The following DNAH6 variants were observed in gnomAD, a reference collection of about 807,000 sequenced individuals.
DNAH6 encodes the protein dynein axonemal heavy chain 6, also known as axonemal beta dynein heavy chain 6.
Under a neutral mutation model 491.4 loss-of-function variants are expected in DNAH6, and 340 were observed. The observed-to-expected ratio is 0.69, with a 90% CI of 0.63 to 0.76. The LOEUF (loss-of-function observed/expected upper bound fraction) is 0.76. Among genes scored for constraint, DNAH6 ranks in the 30% least tolerant of loss-of-function variants. The pLI, the probability that DNAH6 is intolerant of heterozygous loss-of-function variation, is 0.00. For synonymous variants in DNAH6, 1,603 were observed against 1,686.1 expected, an observed-to-expected ratio of 0.95 and a Z score of 1.21; for missense variants, 4,443 against 4,972.2, an observed-to-expected ratio of 0.89 and a Z score of 3.20.
intron 29 of DNAH6, among the ~76,000 whole-genome samples, chr2:84,625,635 T>C (rs1687789205): frequency 6.6e-6 from 1 of 152,170 alleles, no homozygotes; most frequent in Non-Finnish European, 1.5e-5. Context: ...GTTAAAAAAA[T>C]AACAGTAAGC....
At chr2:84,685,834 AATTT>A (rs1694206482) in intron 43 of DNAH6, among the ~76,000 whole-genome samples, 1 of 152,142 alleles carries the variant, frequency 6.6e-6, no homozygotes, top group African/African-American at 2.4e-5. Flanking sequence ...TTTGTATTTT[AATTT>A]ATTATAAAGT....
chr2:84,736,839 C>A lies in DNAH6; in HGVS notation c.10342+3260C>A, dbSNP rs563647533. Among the ~76,000 whole-genome samples the A allele has an allele frequency of 5.9e-5, 9 of 152,190 alleles. No homozygotes were observed. The South Asian group carries it at 8.3e-4, about 14-fold the overall frequency. ...TAAATTTCTTTCTCCTGCCTGATTG[C>A]TTTGGCTAGGACTTCCAGTACTATA... On this transcript the variant is annotated intron_variant, in intron 62 of 76. Transcript: ENST00000389394.
intron 61 of DNAH6, among the ~76,000 whole-genome samples, chr2:84,731,238 A>G (rs774927493): frequency 6.6e-5 from 10 of 152,122 alleles, no homozygotes; most frequent in Admixed American, 2.6e-4. Context: ...CCTACTCCCC[A>G]CTGCCAGTTA....
chr2:84,576,733 C>T (rs780376541), intron 12 of DNAH6, among the ~76,000 whole-genome samples: 1 of 152,114 alleles, frequency 6.6e-6, no homozygotes, highest in Non-Finnish European at 1.5e-5. Context: ...CAAAATGCAA[C>T]TGCAGCATAT....
At chr2:84,623,361 C>T (rs1042167342) in intron 26 of DNAH6, among the ~76,000 whole-genome samples, 5 of 152,114 alleles carry the variant, frequency 3.3e-5, no homozygotes, top group South Asian at 2.1e-4. Flanking sequence ...GGACCTAGGC[C>T]GACTCTTTTG....
chr2:84,473,379 G>A, the DNAH6 span, among the ~76,000 whole-genome samples: 4 of 152,272 alleles, frequency 2.6e-5, no homozygotes, highest in Admixed American at 6.5e-5. Context: ...CGTTTTAGTC[G>A]TATTGAGAGG....
At chr2:84,562,389 G>T (rs1680771144) in intron 11 of DNAH6, among the ~76,000 whole-genome samples, 1 of 152,036 alleles carries the variant, frequency 6.6e-6, no homozygotes, top group African/African-American at 2.4e-5. Flanking sequence ...TTTCAGTTTG[G>T]CTCACAAGAC....
intron 10 of DNAH6, among the ~76,000 whole-genome samples, chr2:84,555,382 C>A (rs1474263195): frequency 6.6e-6 from 1 of 152,130 alleles, no homozygotes; most frequent in Non-Finnish European, 1.5e-5. Context: ...GAAATAGACT[C>A]CTCCTCTGGT....
Position 84,701,243 on chromosome 2 carries a change from G to A in DNAH6, c.7965G>A (p.Glu2655=). Residue 2655 remains glutamate, a synonymous_variant, in exon 49 of 77, where the codon GAG becomes GAA. Coordinates refer to ENST00000389394, the MANE Select transcript of DNAH6 (RefSeq NM_001370.2). ...GCATGGCAGAGCGCTATTACAATGA[G>A]CTGCGCAGGCGGTACTACACGACAC... The part of the protein sequence containing the change: ...VSSMAERYYN[E]LRRRYYTTPT... 1 of 1,551,824 alleles carries A rather than the reference G, an allele frequency of 6.4e-7. No individual in the cohort carries two copies. Among genetic ancestry groups the A allele is most frequent in the Non-Finnish European group, 8.7e-7 (1 of 1,147,014 alleles).
chr2:84,605,881 C>T (rs989634340), intron 20 of DNAH6, among the ~76,000 whole-genome samples: 2 of 152,058 alleles, frequency 1.3e-5, no homozygotes, highest in African/African-American at 2.4e-5. Context: ...GTGATCAGAG[C>T]ATTTTCCCTA....
At chr2:84,810,752 A>G (rs200258236) in intron 72 of DNAH6, among the ~76,000 whole-genome samples, 1 of 152,216 alleles carries the variant, frequency 6.6e-6, no homozygotes, top group African/African-American at 2.4e-5. Context: ...GAACCGTGGG[A>G]TAGGACAGGT....
chr2:84,478,458 A>G, the DNAH6 span, among the ~76,000 whole-genome samples: 1 of 152,134 alleles, frequency 6.6e-6, no homozygotes, highest in African/African-American at 2.4e-5. Flanking sequence ...ATCCAGTGAC[A>G]GTTTGTTGAA....
chr2:84,655,590 AT>A (rs1021207810), intron 35 of DNAH6, among the ~76,000 whole-genome samples: 2 of 152,288 alleles, frequency 1.3e-5, no homozygotes, highest in Admixed American at 6.5e-5. Flanking sequence ...AGAGTACCTT[AT>A]TAAAGACAGT....
intron 63 of DNAH6, among the ~76,000 whole-genome samples, chr2:84,747,858 C>T (rs1673115180): frequency 6.6e-6 from 1 of 152,206 alleles, no homozygotes; most frequent in African/African-American, 2.4e-5. Flanking sequence ...TGCCCAACTG[C>T]AGGCTTAACA....
In DNAH6 at chr2:84,800,023, C is replaced by T. The variant is rs561642375; in HGVS notation, c.11481+2365C>T. 2.0e-5 allele frequency among the ~76,000 whole-genome samples: 3 copies of T among 152,324 alleles called. No individual in the cohort carries two copies. The South Asian group carries it at 6.2e-4, about 32-fold the overall frequency. On this transcript the variant is annotated intron_variant, in intron 70 of 76. Transcript: ENST00000389394. ...CACTGAGGGCTATTGCAGCTAAGAGCCTATGTGCTGGCTCTTTTAAGCCAG... is the reference window on the plus strand; with the variant it reads ...CACTGAGGGCTATTGCAGCTAAGAGTCTATGTGCTGGCTCTTTTAAGCCAG...
chr2:84,563,057 G>A lies in DNAH6; in HGVS notation c.1803+5122G>A, dbSNP rs553817590. On this transcript the variant is annotated intron_variant, in intron 11 of 76. Coordinates refer to ENST00000389394, the MANE Select transcript of DNAH6 (RefSeq NM_001370.2). ...TGGTTTTATAAAGGGCAGTTCCCCC[G>A]CACATGATCTCTTGCCTGCTGCCAC... Among the ~76,000 whole-genome samples the A allele has an allele frequency of 1.6e-4, 24 of 152,196 alleles. 2 individuals carry two copies. In the South Asian group the frequency reaches 3.5e-3, roughly 22 times the overall value.
At chr2:84,504,458 G>A in the DNAH6 span, among the ~76,000 whole-genome samples, 143,427 of 152,188 alleles carry the variant, frequency 0.94, 67,633 homozygotes, top group East Asian at 1. Flanking sequence ...GGATGGTGTT[G>A]ATGCTAGTAC....
intron 72 of DNAH6, among the ~76,000 whole-genome samples, chr2:84,810,598 A>T (rs375011633): frequency 6.6e-6 from 1 of 152,190 alleles, no homozygotes; most frequent in East Asian, 1.9e-4. Flanking sequence ...CTGCCTTGCC[A>T]TGGCTTTGTT....
At chr2:84,784,157 C>T (rs905492267) in intron 65 of DNAH6, among the ~76,000 whole-genome samples, 1 of 152,234 alleles carries the variant, frequency 6.6e-6, no homozygotes, top group East Asian at 1.9e-4. Flanking sequence ...TTTGAACCTA[C>T]AGTGGAGCTC....
Sources: gnomAD v4.1 joint callset for allele counts (sites outside exome capture counted in the v4.1 genomes callset) on GRCh38, gnomAD v4.1.1 for gene constraint, MANE v1.5 for transcripts, NCBI Gene and HGNC (gene_info 2026-07-23, HGNC 2026-07-21) for gene names.